Variants in ASAP1 observed in about 807,000 individuals in gnomAD.
ASAP1 encodes ArfGAP with SH3 domain, ankyrin repeat and PH domain 1.
A neutral mutation model predicts 145.2 loss-of-function variants in ASAP1; 43 were observed. That is an observed-to-expected ratio of 0.30 (90% CI 0.23 to 0.38). The LOEUF (loss-of-function observed/expected upper bound fraction) is 0.38. Among genes scored for constraint, ASAP1 ranks in the 10% least tolerant of loss-of-function variants. The pLI, the probability that ASAP1 is intolerant of heterozygous loss-of-function variation, is 1.00. For missense variants in ASAP1, 1,018 were observed against 1,355.3 expected (o/e 0.75, Z 3.91); for synonymous variants, 546 against 515.5 (o/e 1.06, Z -0.80).
At chr8:130,074,763 G>C (rs2097458510) in intron 27 of ASAP1, among the ~76,000 whole-genome samples, 1 of 152,218 alleles carries the variant, frequency 6.6e-6, no homozygotes, top group African/African-American at 2.4e-5. Context: ...GGAGAGGAGA[G>C]ACAGTGTAGG....
intron 3 of ASAP1, among the ~76,000 whole-genome samples, chr8:130,327,317 G>C (rs1298121074): frequency 6.6e-6 from 1 of 152,132 alleles, no homozygotes; most frequent in African/African-American, 2.4e-5. Flanking sequence ...AAATTGTTGG[G>C]CAAGCTGCTG....
Position 130,072,824 on chromosome 8 carries a change from T to TGTGTGTGTGCGC in ASAP1, c.2701+3523_2701+3524insGCGCACACACAC. Among the ~76,000 whole-genome samples, 25 of 32,308 alleles carry TGTGTGTGTGCGC rather than the reference T, an allele frequency of 7.7e-4. 3 individuals carry two copies. In the South Asian group the frequency reaches 0.019, roughly 24 times the overall value. The allele number at this position is 32,308 out of a possible 152,430, so 21.2% of individuals were successfully genotyped here. On this transcript the variant is annotated intron_variant, in intron 27 of 29. Transcript: ENST00000518721. ...GTGTGTGTGTGTGTGTGTGTGTGTG[T>TGTGTGTGTGCGC]GCGCGCGGGGGGGGGCAGTTTTGGG...
intron 27 of ASAP1, among the ~76,000 whole-genome samples, chr8:130,072,831 G>GTGTGCGTGCGCGCGCGCGCGCGCACGC (rs58907739): frequency 1.8e-5 from 2 of 110,702 alleles, no homozygotes; most frequent in Non-Finnish European, 4.0e-5. Context: ...GTGTGCGCGC[G>GTGTGCGTGCGCGCGCGCGCGCGCACGC]GGGGGGGGCA....
rs766593020 is a variant in ASAP1 at position 130,159,982 on chromosome 8, C to T, written c.910-18G>A. On this transcript the variant is annotated intron_variant, in intron 11 of 29. Coordinates refer to ENST00000518721, the MANE Select transcript of ASAP1 (RefSeq NM_018482.4). ...TGAGAATCCTAGGAAAGAAAAACTA[C>T]AGATTAAACAAAAACTAGAGACAAT... The T allele has an allele frequency of 6.3e-7, 1 of 1,595,174 alleles. No homozygotes were observed. The highest frequency in any genetic ancestry group is 8.6e-7 in the Non-Finnish European group (1 of 1,162,842).
intron 9 of ASAP1, among the ~76,000 whole-genome samples, chr8:130,176,170 G>A (rs946844623): frequency 3.9e-5 from 6 of 152,294 alleles, no homozygotes; most frequent in African/African-American, 1.4e-4. Flanking sequence ...ACACGGAAGT[G>A]TCGTGACTAT....
chr8:130,243,271 C>T (rs1818650907), intron 3 of ASAP1, among the ~76,000 whole-genome samples: 1 of 152,144 alleles, frequency 6.6e-6, no homozygotes, highest in South Asian at 2.1e-4. Context: ...CTTCTCACAT[C>T]ATTCCACTCT....
intron 24 of ASAP1, among the ~76,000 whole-genome samples, chr8:130,109,972 G>A (rs1237741666): frequency 6.6e-6 from 1 of 152,170 alleles, no homozygotes; most frequent in Non-Finnish European, 1.5e-5. Flanking sequence ...TTTTTTGGGG[G>A]AAGTGGGGAA....
chr8:130,126,250 TA>T (rs1470007166), intron 16 of ASAP1, among the ~76,000 whole-genome samples, 161 bp from the exon 17 acceptor site: 7 of 152,356 alleles, frequency 4.6e-5, no homozygotes, highest in African/African-American at 1.7e-4. Flanking sequence ...GGGGCTACCA[TA>T]AAAGTTTCCC....
At chr8:130,099,066 T>G (rs1266282028) in intron 24 of ASAP1, among the ~76,000 whole-genome samples, 1 of 148,636 alleles carries the variant, frequency 6.7e-6, no homozygotes, top group Admixed American at 6.8e-5. Context: ...GCTGGAATGC[T>G]GCAGTATGAT....
intron 9 of ASAP1, among the ~76,000 whole-genome samples, chr8:130,170,465 C>T (rs1813512396): frequency 6.6e-6 from 1 of 152,010 alleles, no homozygotes; most frequent in African/African-American, 2.4e-5. Context: ...TAAGGCATAT[C>T]TTAAGAGACA....
At chr8:130,079,051 T>C (rs1314514252) in intron 26 of ASAP1, among the ~76,000 whole-genome samples, 1 of 152,000 alleles carries the variant, frequency 6.6e-6, no homozygotes, top group Non-Finnish European at 1.5e-5. Context: ...AAAAATCAGC[T>C]GAGTACAGTG....
chr8:130,219,215 C>T (rs954743719), intron 4 of ASAP1, among the ~76,000 whole-genome samples: 3 of 122,344 alleles, frequency 2.5e-5, no homozygotes, highest in African/African-American at 8.4e-5. Flanking sequence ...TTTTAACATA[C>T]TGTATTATAA....
chr8:130,300,153 C>CACACACACACAGAG (rs1196584279), intron 3 of ASAP1, among the ~76,000 whole-genome samples: 2 of 76,894 alleles, frequency 2.6e-5, no homozygotes, highest in Non-Finnish European at 4.9e-5. Context: ...CACACACACA[C>CACACACACACAGAG]AGAGAGAGAG....
At chr8:130,443,073 G>A (rs1444145921) in intron 1 of ASAP1, among the ~76,000 whole-genome samples, 3 of 152,100 alleles carry the variant, frequency 2.0e-5, no homozygotes, top group African/African-American at 7.2e-5. Context: ...ATGCCGGGAG[G>A]GCGCCCCATC....
At chr8:130,121,784 C>CAAAAA (rs56996962) in intron 18 of ASAP1, among the ~76,000 whole-genome samples, 619 of 25,408 alleles carry the variant, frequency 0.024, 145 homozygotes, top group East Asian at 0.14. Context: ...AATTCCATCT[C>CAAAAA]AAAAAAAAAA....
chr8:130,321,474 T>C (rs1823999873), intron 3 of ASAP1, among the ~76,000 whole-genome samples: 1 of 152,108 alleles, frequency 6.6e-6, no homozygotes, highest in Non-Finnish European at 1.5e-5. Context: ...GGGACCTCAA[T>C]TTCTACATTT....
At chr8:130,371,331 T>G (rs909885119) in intron 2 of ASAP1, among the ~76,000 whole-genome samples, 2 of 152,184 alleles carry the variant, frequency 1.3e-5, no homozygotes, top group Non-Finnish European at 2.9e-5. Context: ...AATTTCAAAG[T>G]TCAAGCCCTT....
intron 3 of ASAP1, among the ~76,000 whole-genome samples, chr8:130,302,841 A>T (rs1822762000): frequency 6.6e-6 from 1 of 152,258 alleles, no homozygotes; most frequent in African/African-American, 2.4e-5. Context: ...CTATGAAGAA[A>T]TAAGAACTCC....
chr8:130,368,351 C>T (rs962350594), intron 2 of ASAP1, among the ~76,000 whole-genome samples: 1 of 152,198 alleles, frequency 6.6e-6, no homozygotes, highest in Admixed American at 6.5e-5. Context: ...TTAACTTTCA[C>T]TTACTCCCAA....
Sources: gnomAD v4.1 joint callset for allele counts (sites outside exome capture counted in the v4.1 genomes callset) on GRCh38, gnomAD v4.1.1 for gene constraint, MANE v1.5 for transcripts, NCBI Gene and HGNC (gene_info 2026-07-23, HGNC 2026-07-21) for gene names.